The following PGAM2 variants were observed in gnomAD, a reference collection of about 807,000 sequenced individuals.
PGAM2 encodes the protein BPG-dependent PGAM 2.
Under a neutral mutation model 22.5 loss-of-function variants are expected in PGAM2, and 23 were observed. That is an observed-to-expected ratio of 1.02 (90% CI 0.74 to 1.45). The LOEUF is 1.45. PGAM2 is among the 40% of genes most tolerant of loss of function. The pLI is 0.00. For missense variants in PGAM2, 349 were observed against 356.2 expected, an observed-to-expected ratio of 0.98 and a Z score of 0.16; for synonymous variants, 133 against 138.6, an observed-to-expected ratio of 0.96 and a Z score of 0.29.
intron 2 of PGAM2, 63 bp from the exon 3 acceptor site, chr7:44,062,993 C>A: frequency 2.6e-6 from 4 of 1,550,146 alleles, no homozygotes; most frequent in Non-Finnish European, 3.6e-6. Context: ...ACAGCAGACA[C>A]TATGTGACCT....
intron 2 of PGAM2, chr7:44,063,966 C>T (rs568580678): frequency 1.0e-3 from 157 of 152,674 alleles, no homozygotes; most frequent in Non-Finnish European, 1.5e-3. Context: ...GTGTTTGGAG[C>T]GGGCAGGCTT....
Position 44,065,202 on chromosome 7 carries a change from C to T in PGAM2, c.328G>A (p.Glu110Lys), listed in dbSNP as rs1462327779. 2 of 1,614,020 alleles carry T rather than the reference C, an allele frequency of 1.2e-6. No homozygotes were observed. Among genetic ancestry groups the T allele is most frequent in the South Asian group, 1.1e-5 (1 of 91,092 alleles). Residue 110 changes from glutamate (E) to lysine (K), a missense_variant, in exon 1 of 3, where the codon GAG becomes AAG. Transcript: ENST00000297283. Reference sequence around the variant, plus strand: ...GAGCGCCTCCAGATCTTCACCTGCTCCTCCCCGTGCTTGGCGGCCGTTTCT... The same window carrying T: ...GAGCGCCTCCAGATCTTCACCTGCTTCTCCCCGTGCTTGGCGGCCGTTTCT... ...KAETAAKHGEEQVKIWRRSFD... is the reference protein window; with the variant it reads ...KAETAAKHGEKQVKIWRRSFD...
rs145985559 is a variant in PGAM2, at chr7:44,065,155, C to T, written c.375G>A (p.Pro125=). ...WRRSFDIPPP[P]MDEKHPYYNS... The stretch of plus-strand genomic sequence containing the variant: ...TGTAGTAGGGGTGCTTCTCGTCCAT[C>T]GGGGGCGGCGGGATGTCGAAGGAGC... The change falls in exon 1 of 3, where the codon CCG becomes CCA. Residue 125 remains proline (P), a synonymous_variant. Coordinates refer to ENST00000297283, the MANE Select transcript of PGAM2 (RefSeq NM_000290.4). 7,551 of 1,614,054 alleles carry T rather than the reference C, an allele frequency of 4.7e-3. 33 individuals carry two copies. Among genetic ancestry groups the T allele is most frequent in the Middle Eastern group, 0.026 (160 of 6,062 alleles).
chr7:44,064,752 G>T, intron 2 of PGAM2, 80 bp downstream of exon 2: 1 of 1,265,832 alleles, frequency 7.9e-7, no homozygotes, highest in Non-Finnish European at 1.1e-6. Context: ...TGGTCCATGG[G>T]CGAGAGACTT....
At chr7:44,064,105 C>T (rs925446114) in intron 2 of PGAM2, 1 of 152,898 alleles carries the variant, frequency 6.5e-6, no homozygotes, top group African/African-American at 2.4e-5. Flanking sequence ...TAAGGTCATT[C>T]AGATGCTAAT....
intron 2 of PGAM2, 32 bp from the exon 3 acceptor site, chr7:44,062,962 C>T: frequency 6.2e-7 from 1 of 1,612,824 alleles, no homozygotes; most frequent in Non-Finnish European, 8.5e-7. Context: ...TCCTTAGCCC[C>T]TCTGTCCCCA....
intron 2 of PGAM2, chr7:44,063,536 T>A (rs554370989): frequency 5.9e-6 from 1 of 169,626 alleles, no homozygotes; most frequent in South Asian, 1.3e-4. Context: ...TGCCTCAGCC[T>A]CCCAAAGTGC....
At chr7:44,063,916 C>T (rs1421946884) in intron 2 of PGAM2, 5 of 152,398 alleles carry the variant, frequency 3.3e-5, no homozygotes, top group Non-Finnish European at 5.9e-5. Flanking sequence ...GCAGGTGGTC[C>T]TTCCCTCTGC....
Position 44,064,830 on chromosome 7 carries a change from A to C in PGAM2, c.595+2T>G, listed in dbSNP as rs1265968514. 6.8e-7 allele frequency: 1 copy of C among 1,479,070 alleles called. No homozygotes were observed. The highest frequency in any genetic ancestry group is 9.1e-7 in the Non-Finnish European group (1 of 1,098,096). 91.6% of individuals were successfully genotyped at this position (1,479,070 alleles called of 1,614,324 possible). ...TGCCCAGGCTCCTGAAGGTGGCCTC[A>C]CCTTCCAGGTGCTTGACAATGCCCC... On this transcript the variant is annotated splice_donor_variant, in intron 2 of 2. Transcript: ENST00000297283. LOFTEE classifies it high-confidence loss of function.
At chr7:44,064,800 C>CCCCCGCCCCCGCGCCAG in intron 2 of PGAM2, 32 bp downstream of exon 2, 1 of 1,231,538 alleles carries the variant, frequency 8.1e-7, no homozygotes, top group Non-Finnish European at 1.2e-6. Context: ...GCTGCCCACC[C>CCCCCGCCCCCGCGCCAG]ACCCTGCCCA....
In PGAM2 at chr7:44,064,868, C is replaced by T. The variant is rs777413303; in HGVS notation, c.559G>A (p.Gly187Arg). The T allele has an allele frequency of 9.9e-6, 16 of 1,610,852 alleles. No individual in the cohort carries two copies. In the East Asian group the frequency reaches 1.1e-4, roughly 11 times the overall value. ...AGKRVLIAAHGNSLRGIVKHL... is the reference protein window; with the variant it reads ...AGKRVLIAAHRNSLRGIVKHL... ...TTGACAATGCCCCGCAGGCTGTTCC[C>T]GTGGGCTGCAATGAGCACTCGCTTG... is the stretch of plus-strand genomic sequence containing the variant. The change falls in exon 2 of 3, where the codon GGG becomes AGG. Residue 187 changes from glycine to arginine, a missense_variant. Gly to Arg is a moderately radical substitution (Grantham distance 125, BLOSUM62 -2). Coordinates refer to ENST00000297283, the MANE Select transcript of PGAM2 (RefSeq NM_000290.4).
chr7:44,064,309 T>C (rs897727684), intron 2 of PGAM2: 2 of 191,256 alleles, frequency 1.0e-5, no homozygotes. Flanking sequence ...GTCTTTCCTT[T>C]GCCCAGAGAG....
In PGAM2 at chr7:44,065,406, C is replaced by T; in HGVS notation, c.124G>A (p.Ala42Thr). 1 of 1,614,134 alleles carries T rather than the reference C, an allele frequency of 6.2e-7. No homozygotes were observed. Among genetic ancestry groups the T allele is most frequent in the Non-Finnish European group, 8.5e-7 (1 of 1,180,044 alleles). The change falls in exon 1 of 3, where the codon GCC becomes ACC. Residue 42 changes from alanine to threonine, a missense_variant. Coordinates refer to ENST00000297283, the MANE Select transcript of PGAM2 (RefSeq NM_000290.4). ...ATCTTGGCATCCTTGATGGCCTTGG[C>T]TCCCCGCTTGGCCTCCTCGGTCCCC... ...EKGTEEAKRG[A>T]KAIKDAKMEF...
At chr7:44,064,172 ACT>A (rs922840210) in intron 2 of PGAM2, 5 of 153,996 alleles carry the variant, frequency 3.2e-5, no homozygotes, top group African/African-American at 9.7e-5. Flanking sequence ...GGTGCCAGTC[ACT>A]CTGGGCGAGG....
At chr7:44,064,793 G>GGGCCCCCCCCCC in intron 2 of PGAM2, 39 bp downstream of exon 2, 9 of 1,136,966 alleles carry the variant, frequency 7.9e-6, no homozygotes, top group African/African-American at 1.5e-5. Context: ...TGGGGCTGCT[G>GGGCCCCCCCCCC]CCCACCCACC....
chr7:44,065,368 G>C lies in PGAM2; in HGVS notation c.162C>G (p.Ile54Met). The C allele has an allele frequency of 6.2e-7, 1 of 1,613,994 alleles. No homozygotes were observed. Among genetic ancestry groups the C allele is most frequent in the Non-Finnish European group, 8.5e-7 (1 of 1,180,040 alleles). Residue 54 changes from isoleucine to methionine, a missense_variant, in exon 1 of 3, where the codon ATC (isoleucine) becomes ATG (methionine). Ile to Met is a conservative substitution (Grantham distance 10, BLOSUM62 1). Transcript: ENST00000297283. ...CCCGCTTCAGCACTGACGTGTAGCA[G>C]ATGTCAAACTCCATCTTGGCATCCT... ...AIKDAKMEFD[I>M]CYTSVLKRAI...
chr7:44,064,708 A>G, intron 2 of PGAM2, 124 bp downstream of exon 2: 3 of 856,118 alleles, frequency 3.5e-6, no homozygotes, highest in East Asian at 2.7e-5. Context: ...CTCCTTTTTC[A>G]GTGAATGATG....
intron 2 of PGAM2, 35 bp downstream of exon 2, chr7:44,064,797 A>AC: frequency 1.3e-5 from 8 of 633,292 alleles, no homozygotes; most frequent in African/African-American, 1.9e-5. Flanking sequence ...GCTGCTGCCC[A>AC]CCCACCCTGC....
chr7:44,063,244 G>A (rs1006941180), intron 2 of PGAM2: 9 of 442,160 alleles, frequency 2.0e-5, no homozygotes, highest in Non-Finnish European at 3.7e-5. Flanking sequence ...TGAGGGTCAG[G>A]AAGGGACACT....
Sources: gnomAD v4.1 joint callset for allele counts on GRCh38, gnomAD v4.1.1 for gene constraint, MANE v1.5 for transcripts, NCBI Gene and HGNC (gene_info 2026-07-23, HGNC 2026-07-21) for gene names.